Variants in DRC3 observed in about 807,000 individuals in gnomAD.
The protein encoded by DRC3 is dynein regulatory complex subunit 3.
Under a neutral mutation model 57.6 loss-of-function variants are expected in DRC3, and 45 were observed. The observed-to-expected ratio is 0.78, with a 90% confidence interval of 0.62 to 1.00. The LOEUF is 1.00. Among genes scored for constraint, DRC3 ranks in the 50% least tolerant of loss-of-function variants. The pLI, the probability that DRC3 is intolerant of heterozygous loss-of-function variation, is 0.00. For missense variants in DRC3, 655 were observed against 675.2 expected (o/e 0.97, Z 0.33); for synonymous variants, 257 against 272.3 (o/e 0.94, Z 0.55).
At chr17:17,980,676 C>T (rs575971710) in intron 3 of DRC3, among the ~76,000 whole-genome samples, 1 of 147,506 alleles carries the variant, frequency 6.8e-6, no homozygotes, top group East Asian at 2.0e-4. Context: ...CTCACTGCAA[C>T]CTTCACCTCC....
chr17:18,003,126 G>A (rs775047501), intron 9 of DRC3, among the ~76,000 whole-genome samples: 4 of 152,066 alleles, frequency 2.6e-5, no homozygotes, highest in East Asian at 1.9e-4. Flanking sequence ...GCAGATGAGC[G>A]TTAGTTTAAC....
intron 12 of DRC3, chr17:18,011,254 G>A: frequency 3.6e-6 from 1 of 274,904 alleles, no homozygotes; most frequent in Non-Finnish European, 7.0e-6. Context: ...GCCACGCCAG[G>A]CCTAGGATGA....
intron 13 of DRC3, 103 bp downstream of exon 13, chr17:18,016,298 G>A: frequency 1.6e-6 from 2 of 1,259,464 alleles, no homozygotes; most frequent in Non-Finnish European, 2.3e-6. Context: ...GGAATGAAAT[G>A]AAGGAAGAAA....
At chr17:17,988,158 T>G (rs888784311) in intron 5 of DRC3, 60 bp downstream of exon 5, 3 of 1,534,398 alleles carry the variant, frequency 2.0e-6, no homozygotes. Context: ...CGCCGTGGGT[T>G]GAGTGGGGGT....
intron 3 of DRC3, among the ~76,000 whole-genome samples, chr17:17,978,474 C>G (rs539792611): frequency 9.2e-5 from 14 of 152,308 alleles, no homozygotes; most frequent in African/African-American, 3.1e-4. Flanking sequence ...CTGAGACCCC[C>G]CTTTGTATCA....
At chr17:18,013,466 TA>T (rs776048647) in intron 12 of DRC3, among the ~76,000 whole-genome samples, 2 of 152,026 alleles carry the variant, frequency 1.3e-5, no homozygotes, top group African/African-American at 2.4e-5. Flanking sequence ...TATTCAGCCA[TA>T]AAAAAAGAAT....
intron 9 of DRC3, among the ~76,000 whole-genome samples, chr17:18,000,995 G>T (rs927966501): frequency 4.6e-5 from 7 of 152,044 alleles, no homozygotes; most frequent in Admixed American, 1.3e-4. Flanking sequence ...GAACTCCTGG[G>T]CTCAAGCAAT....
intron 9 of DRC3, among the ~76,000 whole-genome samples, chr17:17,999,232 G>T (rs1182428256): frequency 6.6e-6 from 1 of 152,180 alleles, no homozygotes; most frequent in Non-Finnish European, 1.5e-5. Flanking sequence ...TTCATTGCGG[G>T]CCAGCTCCTC....
At chr17:17,999,207 G>A (rs910457270) in intron 9 of DRC3, among the ~76,000 whole-genome samples, 5 of 152,164 alleles carry the variant, frequency 3.3e-5, no homozygotes, top group African/African-American at 1.2e-4. Flanking sequence ...TTGCTCCTCC[G>A]TTCAGGCACC....
In DRC3 at chr17:17,994,335, G is replaced by C. The variant is rs192330832; in HGVS notation, c.628G>C (p.Asp210His). The change falls in exon 7 of 14, where the codon GAC (aspartate) becomes CAC (histidine). Residue 210 changes from aspartate to histidine, a missense_variant. Coordinates refer to ENST00000399187, the MANE Select transcript of DRC3 (RefSeq NM_031294.4). ...LAEAKHQYSI[D>H]ELKHQENLMQ... ...GGAGGCTAAGCACCAGTACAGCATCGACGAGCTGAAGCACCAGGAGAACCT... is the reference window on the plus strand; with the variant it reads ...GGAGGCTAAGCACCAGTACAGCATCCACGAGCTGAAGCACCAGGAGAACCT... 37 of 1,554,180 alleles carry C rather than the reference G, an allele frequency of 2.4e-5. No individual in the cohort carries two copies. The highest frequency in any genetic ancestry group is 3.0e-5 in the Non-Finnish European group (34 of 1,148,724).
At chr17:17,983,644 C>T (rs1420185177) in intron 3 of DRC3, among the ~76,000 whole-genome samples, 184 bp from the exon 4 acceptor site, 1 of 152,146 alleles carries the variant, frequency 6.6e-6, no homozygotes, top group East Asian at 1.9e-4. Flanking sequence ...TACCGATCCC[C>T]GCCCACCTCA....
intron 12 of DRC3, among the ~76,000 whole-genome samples, chr17:18,009,051 C>T (rs2044078955): frequency 6.6e-6 from 1 of 152,178 alleles, no homozygotes; most frequent in Non-Finnish European, 1.5e-5. Context: ...TAGGAAGAGA[C>T]TCCCCAGGAC....
At chr17:17,982,308 T>G (rs1223765313) in intron 3 of DRC3, among the ~76,000 whole-genome samples, 1 of 151,234 alleles carries the variant, frequency 6.6e-6, no homozygotes, top group Non-Finnish European at 1.5e-5. Flanking sequence ...CTCCGCCTCC[T>G]GGGTTCACGC....
At chr17:17,999,777 T>TG (rs1248814111) in intron 9 of DRC3, among the ~76,000 whole-genome samples, 1 of 152,234 alleles carries the variant, frequency 6.6e-6, no homozygotes, top group African/African-American at 2.4e-5. Flanking sequence ...GTGCAAGGCC[T>TG]GGAGCAGAGT....
intron 4 of DRC3, among the ~76,000 whole-genome samples, chr17:17,984,425 G>C (rs2042863373): frequency 6.6e-6 from 1 of 152,084 alleles, no homozygotes; most frequent in Non-Finnish European, 1.5e-5. Context: ...CCCCGTCATA[G>C]AGATGAGCAA....
At chr17:18,002,745 C>T (rs1473153879) in intron 9 of DRC3, among the ~76,000 whole-genome samples, 1 of 152,160 alleles carries the variant, frequency 6.6e-6, no homozygotes, top group East Asian at 1.9e-4. Flanking sequence ...TCCCCATTTA[C>T]AGTGAGGAAA....
rs200074883 is a variant in DRC3, at chr17:17,994,391, G to T, written c.684G>T (p.Ala228=). 1 of 1,553,516 alleles carries T rather than the reference G, an allele frequency of 6.4e-7. No individual in the cohort carries two copies. Among genetic ancestry groups the T allele is most frequent in the Non-Finnish European group, 8.7e-7 (1 of 1,148,386 alleles). Residue 228 remains alanine, a synonymous_variant, in exon 7 of 14, where the codon GCG becomes GCT. Transcript: ENST00000399187. ...AGGCCCAGCTGGAGGACGAGCAGGC[G>T]CAGCGGGAGGAGCTAGAGAAGCACA... The part of the protein sequence containing the change: ...LMQAQLEDEQ[A]QREELEKHKT...
intron 2 of DRC3, among the ~76,000 whole-genome samples, chr17:17,976,950 A>T (rs540972090): frequency 6.6e-6 from 1 of 151,550 alleles, no homozygotes; most frequent in Non-Finnish European, 1.5e-5. Context: ...GCCAGCCCAC[A>T]CTCCCTATTC....
chr17:17,978,503 G>A (rs2042496409), intron 3 of DRC3, among the ~76,000 whole-genome samples: 1 of 152,220 alleles, frequency 6.6e-6, no homozygotes, highest in Admixed American at 6.5e-5. Flanking sequence ...CAAGGCCACA[G>A]CAGAGTGACC....
Sources: gnomAD v4.1 joint callset for allele counts (sites outside exome capture counted in the v4.1 genomes callset) on GRCh38, gnomAD v4.1.1 for gene constraint, MANE v1.5 for transcripts, NCBI Gene and HGNC (gene_info 2026-07-23, HGNC 2026-07-21) for gene names.